Variants in PALM2AKAP2 observed in about 807,000 individuals in gnomAD.
The protein encoded by PALM2AKAP2 is PALM2 and AKAP2 fusion.
A neutral mutation model predicts 71.5 loss-of-function variants in PALM2AKAP2; 37 were observed. The observed-to-expected ratio is 0.52, with a 90% CI of 0.40 to 0.68. PALM2AKAP2 has a LOEUF of 0.68. Ranked by LOEUF, PALM2AKAP2 falls within the 30% of genes least tolerant of loss-of-function variation. The pLI is 0.00. For missense variants in PALM2AKAP2, 1,224 were observed against 1,191.8 expected, an observed-to-expected ratio of 1.03 and a Z score of -0.40; for synonymous variants, 468 against 478.8, an observed-to-expected ratio of 0.98 and a Z score of 0.29.
chr9:109,858,427 T>C, intron 1 of PALM2AKAP2, among the ~76,000 whole-genome samples: 1 of 152,120 alleles, frequency 6.6e-6, no homozygotes, highest in Non-Finnish European at 1.5e-5. Flanking sequence ...GGAATGTTAG[T>C]GATGCTGGAG....
intron 6 of PALM2AKAP2, among the ~76,000 whole-genome samples, chr9:109,949,531 T>G (rs1831587698): frequency 6.6e-6 from 1 of 152,090 alleles, no homozygotes; most frequent in Admixed American, 6.5e-5. Flanking sequence ...GGAGCTTGAG[T>G]TGGAAAACAC....
intron 1 of PALM2AKAP2, among the ~76,000 whole-genome samples, chr9:109,740,916 C>T (rs374003093): frequency 6.4e-4 from 97 of 152,192 alleles, no homozygotes; most frequent in African/African-American, 2.1e-3. Flanking sequence ...CCTCCCAAAG[C>T]GCTGGGATTA....
intron 1 of PALM2AKAP2, among the ~76,000 whole-genome samples, chr9:109,715,836 TCTTCTTC>T (rs1018855160): frequency 3.3e-5 from 5 of 152,238 alleles, no homozygotes; most frequent in South Asian, 2.1e-4. Flanking sequence ...TTCTTTCTTT[TCTTCTTC>T]CTTCTTCCTT....
intron 3 of PALM2AKAP2, among the ~76,000 whole-genome samples, chr9:109,908,393 A>T (rs1830496359): frequency 6.6e-6 from 1 of 152,226 alleles, no homozygotes; most frequent in African/African-American, 2.4e-5. Context: ...TTAATATTCT[A>T]GGCTCTAGCT....
intron 3 of PALM2AKAP2, among the ~76,000 whole-genome samples, chr9:109,915,177 G>C (rs989358128): frequency 6.6e-6 from 1 of 152,212 alleles, no homozygotes; most frequent in Non-Finnish European, 1.5e-5. Context: ...AAGATATAGG[G>C]AGGGATACAT....
intron 6 of PALM2AKAP2, among the ~76,000 whole-genome samples, chr9:109,995,720 C>G (rs1231904228): frequency 6.6e-6 from 1 of 152,222 alleles, no homozygotes; most frequent in African/African-American, 2.4e-5. Flanking sequence ...AGGTCCCTCC[C>G]ATGGCGTGGG....
At position 110,161,199 on chromosome 9, in the gene PALM2AKAP2, A is replaced by G. The variant is rs530677057; in HGVS notation, c.2748+4702A>G. Among the ~76,000 whole-genome samples the G allele has an allele frequency of 2.5e-4, 38 of 152,340 alleles. No homozygotes were observed. In the East Asian group the frequency reaches 7.1e-3, roughly 29 times the overall value. On this transcript the variant is annotated intron_variant, in intron 3 of 3. Transcript: ENST00000374525. ...CCATTAGCCCAATCATGACAGAACT[A>G]TAATTCCTAAGTGCTACATATAAGA...
At chr9:109,714,483 T>A (rs1828287637) in intron 1 of PALM2AKAP2, among the ~76,000 whole-genome samples, 1 of 152,160 alleles carries the variant, frequency 6.6e-6, no homozygotes, top group African/African-American at 2.4e-5. Context: ...CAGGTTTGAA[T>A]ACCAATTTCA....
At chr9:109,886,994 A>T (rs796072955) in intron 3 of PALM2AKAP2, among the ~76,000 whole-genome samples, 5 of 152,210 alleles carry the variant, frequency 3.3e-5, no homozygotes, top group South Asian at 2.1e-4. Flanking sequence ...AGCAGCTTTT[A>T]AAAAATCAGG....
chr9:109,741,652 T>A (rs1828717429), intron 1 of PALM2AKAP2, among the ~76,000 whole-genome samples: 1 of 152,364 alleles, frequency 6.6e-6, no homozygotes, highest in African/African-American at 2.4e-5. Flanking sequence ...TTGTTTTTGT[T>A]CTAATCATTC....
chr9:109,871,085 G>A (rs1474300074), intron 2 of PALM2AKAP2, among the ~76,000 whole-genome samples: 1 of 152,154 alleles, frequency 6.6e-6, no homozygotes, highest in Non-Finnish European at 1.5e-5. Flanking sequence ...CATGCAATGA[G>A]ATGAATTATT....
intron 1 of PALM2AKAP2, among the ~76,000 whole-genome samples, chr9:109,755,079 A>G (rs1372709311): frequency 6.6e-6 from 1 of 151,524 alleles, no homozygotes; most frequent in Admixed American, 6.6e-5. Context: ...AGCCACCATC[A>G]CCTCTTAGCT....
intron 1 of PALM2AKAP2, among the ~76,000 whole-genome samples, chr9:109,840,181 G>A (rs946388698): frequency 1.3e-5 from 2 of 152,108 alleles, no homozygotes; most frequent in Admixed American, 1.3e-4. Flanking sequence ...TAGACCAATG[G>A]AACAGAACAG....
At chr9:110,134,790 T>C (rs1156522272) in intron 1 of PALM2AKAP2, among the ~76,000 whole-genome samples, 1 of 152,138 alleles carries the variant, frequency 6.6e-6, no homozygotes. Context: ...AATTTTGCAT[T>C]GTCCTATGTC....
chr9:110,017,969 G>A (rs909475271), intron 7 of PALM2AKAP2, among the ~76,000 whole-genome samples: 29 of 151,988 alleles, frequency 1.9e-4, no homozygotes, highest in African/African-American at 6.5e-4. Flanking sequence ...CTCATGGTCC[G>A]CCTGCCTCAG....
intron 1 of PALM2AKAP2, among the ~76,000 whole-genome samples, chr9:109,653,886 G>A (rs1464295306): frequency 6.6e-6 from 1 of 152,190 alleles, no homozygotes; most frequent in East Asian, 1.9e-4. Context: ...CAATCTGTGT[G>A]TGGAACAAGT....
intron 2 of PALM2AKAP2, among the ~76,000 whole-genome samples, chr9:109,875,886 A>C (rs1829709876): frequency 6.6e-6 from 1 of 152,166 alleles, no homozygotes; most frequent in African/African-American, 2.4e-5. Context: ...TCCTCCTTTC[A>C]GAAGCCCCTG....
chr9:110,104,711 G>A (rs1212106263), intron 1 of PALM2AKAP2, among the ~76,000 whole-genome samples: 4 of 152,220 alleles, frequency 2.6e-5, no homozygotes, highest in Non-Finnish European at 5.9e-5. Context: ...GTTGGAATGT[G>A]TTTTAAAACC....
intron 1 of PALM2AKAP2, among the ~76,000 whole-genome samples, chr9:109,759,088 A>G (rs1329641703): frequency 1.3e-5 from 2 of 152,118 alleles, no homozygotes; most frequent in Non-Finnish European, 2.9e-5. Flanking sequence ...CTTTTTCACT[A>G]GTTATATTGA....
Sources: gnomAD v4.1 joint callset for allele counts (sites outside exome capture counted in the v4.1 genomes callset) on GRCh38, gnomAD v4.1.1 for gene constraint, MANE v1.5 for transcripts, NCBI Gene and HGNC (gene_info 2026-07-23, HGNC 2026-07-21) for gene names.